DNER: variants seen among roughly 807,000 people sequenced by gnomAD.
The protein encoded by DNER is delta and Notch-like epidermal growth factor-related receptor.
Under a neutral mutation model 78.2 loss-of-function variants are expected in DNER, and 33 were observed. The observed-to-expected ratio is 0.42, with a 90% CI of 0.32 to 0.56. The LOEUF is 0.56. DNER is among the 20% of genes least tolerant of loss of function. The pLI is 0.11. For synonymous variants in DNER, 417 were observed against 384.8 expected, an observed-to-expected ratio of 1.08 and a Z score of -0.98; for missense variants, 918 against 975.3, an observed-to-expected ratio of 0.94 and a Z score of 0.78.
Position 229,407,301 on chromosome 2 carries a change from A to C in DNER, c.1654T>G (p.Cys552Gly). Reference sequence around the variant, plus strand: ...CTGTCACAGGTGGCTCCGTTCAGACAGCTGACGTTAGCGCAGGGATCCTTG... The same window carrying C: ...CTGTCACAGGTGGCTCCGTTCAGACCGCTGACGTTAGCGCAGGGATCCTTG... ...LYKDPCANVS[C>G]LNGATCDSDG... Residue 552 changes from cysteine (C) to glycine (G), a missense_variant, in exon 10 of 13, where the codon TGT becomes GGT. Physicochemically the swap from Cys to Gly is radical, Grantham distance 159. Transcript: ENST00000341772. 1 of 1,614,046 alleles carries C rather than the reference A, an allele frequency of 6.2e-7. No individual in the cohort carries two copies. The highest frequency in any genetic ancestry group is 8.5e-7 in the Non-Finnish European group (1 of 1,179,886).
At chr2:229,689,762 A>G (rs745945916) in intron 1 of DNER, among the ~76,000 whole-genome samples, 34 of 152,206 alleles carry the variant, frequency 2.2e-4, no homozygotes, top group Non-Finnish European at 4.0e-4. Context: ...CTTCAAAGCA[A>G]CCTCAGAGAA....
At chr2:229,599,981 T>G (rs1175150203) in intron 1 of DNER, among the ~76,000 whole-genome samples, 3 of 152,174 alleles carry the variant, frequency 2.0e-5, no homozygotes, top group African/African-American at 7.2e-5. Flanking sequence ...ATTGTTTTAG[T>G]GATTTGTCTA....
chr2:229,610,203 T>A (rs1208828565), intron 1 of DNER, among the ~76,000 whole-genome samples: 1 of 152,172 alleles, frequency 6.6e-6, no homozygotes, highest in Non-Finnish European at 1.5e-5. Context: ...ACAGGAAGGA[T>A]GAGTGTCCTT....
At chr2:229,413,043 T>C (rs919698048) in intron 9 of DNER, among the ~76,000 whole-genome samples, 4 of 152,158 alleles carry the variant, frequency 2.6e-5, no homozygotes, top group African/African-American at 2.4e-5. Flanking sequence ...TATATGGAAT[T>C]TACTTAGAAG....
intron 5 of DNER, among the ~76,000 whole-genome samples, chr2:229,537,111 G>A (rs145150520): frequency 2.2e-4 from 34 of 152,190 alleles, no homozygotes; most frequent in African/African-American, 7.0e-4. Flanking sequence ...GTAGCATCTC[G>A]GGGCCATCCC....
chr2:229,483,803 C>T (rs1695216521), intron 6 of DNER, among the ~76,000 whole-genome samples: 1 of 152,102 alleles, frequency 6.6e-6, no homozygotes, highest in Non-Finnish European at 1.5e-5. Context: ...TTGCTCAGAC[C>T]TCAGGCTTTT....
In DNER at chr2:229,477,195, T is replaced by G. The variant is rs1695055457; in HGVS notation, c.1206A>C (p.Arg402Ser). The G allele has an allele frequency of 2.5e-6, 4 of 1,613,992 alleles. No homozygotes were observed. Among genetic ancestry groups the G allele is most frequent in the Non-Finnish European group, 3.4e-6 (4 of 1,179,978 alleles). Residue 402 changes from arginine (R) to serine (S), a missense_variant, in exon 7 of 13, where the codon AGA becomes AGC. Physicochemically the swap from Arg to Ser is moderately radical, Grantham distance 110 (BLOSUM62 -1). Coordinates refer to ENST00000341772, the MANE Select transcript of DNER (RefSeq NM_139072.4). ...KIDYCILDPC[R>S]NGATCISSLS... is the part of the protein sequence containing the mutation. Reference sequence around the variant, plus strand: ...GACTGGAAATGCATGTTGCTCCATTTCTGCATGGGTCTAGGATGCAGTAAT... The same window carrying G: ...GACTGGAAATGCATGTTGCTCCATTGCTGCATGGGTCTAGGATGCAGTAAT...
chr2:229,522,113 C>T (rs1472610076), intron 5 of DNER, among the ~76,000 whole-genome samples: 1 of 152,094 alleles, frequency 6.6e-6, no homozygotes, highest in African/African-American at 2.4e-5. Flanking sequence ...TTCATTCCTT[C>T]AGCTTAAATG....
At chr2:229,412,536 C>G (rs1693544696) in intron 9 of DNER, among the ~76,000 whole-genome samples, 1 of 152,106 alleles carries the variant, frequency 6.6e-6, no homozygotes, top group Non-Finnish European at 1.5e-5. Flanking sequence ...CAAGGCTAAA[C>G]ATAATTGTCA....
chr2:229,480,714 A>G (rs1463678034), intron 6 of DNER, among the ~76,000 whole-genome samples: 4 of 152,238 alleles, frequency 2.6e-5, no homozygotes, highest in Non-Finnish European at 4.4e-5. Flanking sequence ...ATGGCCTAAT[A>G]TATTAATAAC....
At chr2:229,671,749 C>A (rs1185797465) in intron 1 of DNER, among the ~76,000 whole-genome samples, 1 of 152,172 alleles carries the variant, frequency 6.6e-6, no homozygotes, top group Admixed American at 6.5e-5. Context: ...ACCAAGCTGT[C>A]GGGTTTGATC....
At chr2:229,497,020 G>A (rs1043909260) in intron 6 of DNER, among the ~76,000 whole-genome samples, 1 of 152,136 alleles carries the variant, frequency 6.6e-6, no homozygotes, top group Admixed American at 6.6e-5. Flanking sequence ...AAGCCACGTG[G>A]AGCATTCTCC....
chr2:229,384,992 A>G (rs1559337156), intron 11 of DNER, among the ~76,000 whole-genome samples: 1 of 152,072 alleles, frequency 6.6e-6, no homozygotes, highest in Non-Finnish European at 1.5e-5. Context: ...CCTGATAAAC[A>G]TTGATGCAAA....
chr2:229,487,064 GA>G (rs1442738596), intron 6 of DNER, among the ~76,000 whole-genome samples: 1 of 152,160 alleles, frequency 6.6e-6, no homozygotes, highest in Non-Finnish European at 1.5e-5. Flanking sequence ...GCAAATTACA[GA>G]GGACAAAAAT....
At chr2:229,668,516 A>ATGTGTGTGTG (rs60983481) in intron 1 of DNER, among the ~76,000 whole-genome samples, 17 of 60,000 alleles carry the variant, frequency 2.8e-4, no homozygotes, top group African/African-American at 1.5e-3. Context: ...ATAGGTAAGT[A>ATGTGTGTGTG]TGTGTGTGTG....
intron 4 of DNER, among the ~76,000 whole-genome samples, chr2:229,552,871 A>G (rs1275405730): frequency 6.6e-6 from 1 of 152,126 alleles, no homozygotes; most frequent in Non-Finnish European, 1.5e-5. Context: ...GGAGGAGAGG[A>G]GCCAGACCCC....
intron 1 of DNER, among the ~76,000 whole-genome samples, chr2:229,603,720 T>C (rs1311490848): frequency 6.6e-6 from 1 of 152,218 alleles, no homozygotes; most frequent in African/African-American, 2.4e-5. Context: ...GATAATACAT[T>C]GAGCTGTACA....
chr2:229,495,240 A>G (rs1283903235), intron 6 of DNER, among the ~76,000 whole-genome samples: 1 of 152,244 alleles, frequency 6.6e-6, no homozygotes, highest in Non-Finnish European at 1.5e-5. Context: ...TACCTTTCAC[A>G]AAATACTAGA....
At chr2:229,381,486 A>C (rs1316783394) in intron 11 of DNER, among the ~76,000 whole-genome samples, 1 of 152,194 alleles carries the variant, frequency 6.6e-6, no homozygotes, top group East Asian at 1.9e-4. Context: ...CTAGCTCAGC[A>C]GATCCCACCC....
Sources: allele counts gnomAD v4.1 joint callset (sites outside exome capture counted in the v4.1 genomes callset), GRCh38; gene constraint gnomAD v4.1.1; transcripts MANE v1.5; gene names NCBI Gene and HGNC (gene_info 2026-07-23, HGNC 2026-07-21).